The following PUDP variants were observed in gnomAD, a reference collection of about 807,000 sequenced individuals.
PUDP encodes the protein pseudouridine-5'-phosphatase.
In PUDP, 8 loss-of-function variants were observed where a neutral mutation model predicts 9.4. That is an observed-to-expected ratio of 0.85 (90% confidence interval 0.50 to 1.53). The LOEUF (loss-of-function observed/expected upper bound fraction) is 1.53. Among genes scored for constraint, PUDP ranks in the 40% most tolerant of loss-of-function variants. PUDP has a pLI of 0.00. For missense variants in PUDP, 188 were observed against 189.7 expected (o/e 0.99, Z 0.05); for synonymous variants, 99 against 80.7 (o/e 1.23, Z -1.22).
chrX:7,088,312 T>C (rs1230006612), intron 2 of PUDP, among the ~76,000 whole-genome samples: 3 of 111,000 alleles, frequency 2.7e-5, no homozygotes, highest in Non-Finnish European at 5.7e-5. Flanking sequence ...TCAAGCAATC[T>C]GCCTACCTTG....
At chrX:6,905,694 G>A (rs1927756733) in intron 3 of PUDP, among the ~76,000 whole-genome samples, 1 of 111,422 alleles carries the variant, frequency 9.0e-6, no homozygotes, top group Admixed American at 9.5e-5. Flanking sequence ...TGGGGACACA[G>A]CCAAATCATA....
rs189338831 is a variant in PUDP, at chrX:6,850,874, G to A, written c.*247+126259C>T. Among the ~76,000 whole-genome samples, 663 of 111,788 alleles carry A rather than the reference G, an allele frequency of 5.9e-3. 4 individuals are homozygous for A. The highest frequency in any genetic ancestry group is 9.7e-3 in the Non-Finnish European group (515 of 53,096). Reference sequence around the variant, plus strand: ...CCCAACAACCCAATGTAGACATGATGTACTATATAGGAAAATAAAATACAC... The same window carrying A: ...CCCAACAACCCAATGTAGACATGATATACTATATAGGAAAATAAAATACAC... On this transcript the variant is annotated intron_variant and NMD_transcript_variant, in intron 3 of 3. Coordinates refer to the PUDP transcript ENST00000655425.
intron 3 of PUDP, among the ~76,000 whole-genome samples, chrX:6,844,533 A>G (rs1926715724): frequency 1.8e-5 from 2 of 112,768 alleles, no homozygotes; most frequent in Middle Eastern, 4.6e-3. Flanking sequence ...CATCAGCTGG[A>G]TAAGTCTCCT....
chrX:6,747,287 G>T lies in PUDP; in HGVS notation c.*248-40821C>A, dbSNP rs573979492. 2.1e-4 allele frequency among the ~76,000 whole-genome samples: 23 copies of T among 111,775 alleles called. No homozygotes were observed. In the South Asian group the frequency reaches 8.6e-3, roughly 42 times the overall value. Reference sequence around the variant, plus strand: ...AATTTGTCCTGATTTCATGAGCTGGGAAGCACACGAGCCATGGTTTTTCAC... The same window carrying T: ...AATTTGTCCTGATTTCATGAGCTGGTAAGCACACGAGCCATGGTTTTTCAC... On this transcript the variant is annotated intron_variant and NMD_transcript_variant, in intron 3 of 3. Coordinates refer to the PUDP transcript ENST00000655425.
Position 7,105,825 on chromosome X carries a change from C to T in PUDP, c.75G>A (p.Leu25=). 8.4e-7 allele frequency: 1 copy of T among 1,187,149 alleles called. No individual in the cohort carries two copies. The highest frequency in any genetic ancestry group is 1.1e-6 in the Non-Finnish European group (1 of 876,903). The change falls in exon 2 of 4, where the codon CTG becomes CTA. Residue 25 remains leucine (L), a synonymous_variant. Transcript: ENST00000381077. ...ATATTTCTTGAAACACCACTGAATA[C>T]AGCCGTTCAGTATCTGCAGGAAAAA... ...MDGLLLDTER[L]YSVVFQEICN...
intron 1 of PUDP, among the ~76,000 whole-genome samples, chrX:7,009,032 A>G (rs1208268625): frequency 1.8e-5 from 2 of 112,673 alleles, no homozygotes. Context: ...ATTTTTATAA[A>G]GTCATTTCTG....
intron 1 of PUDP, among the ~76,000 whole-genome samples, chrX:7,127,034 T>G (rs767360704): frequency 3.6e-5 from 4 of 111,677 alleles, no homozygotes; most frequent in Admixed American, 2.8e-4. Context: ...CCAAAAAGCA[T>G]AGGGTATGGT....
At position 6,849,025 on chromosome X, in the gene PUDP, AATGGATCAAACCGTGGAAGGCACGTTC is replaced by A. The variant is rs780553214; in HGVS notation, c.*247+128081_*247+128107del. Among the ~76,000 whole-genome samples, 779 of 112,431 alleles carry A rather than the reference AATGGATCAAACCGTGGAAGGCACGTTC, an allele frequency of 6.9e-3. 4 individuals are homozygous for A. Among genetic ancestry groups the A allele is most frequent in the Non-Finnish European group, 0.01 (558 of 53,263 alleles). On this transcript the variant is annotated intron_variant and NMD_transcript_variant, in intron 3 of 3. Transcript: ENST00000655425. ...CCCTTCGCCAGATCAAGGACGTGAA[AATGGATCAAACCGTGGAAGGCACGTTC>A]CTTTGGGGAAGTTACAAAGAGTGTG...
chrX:6,984,793 C>T (rs138972064), intron 1 of PUDP, among the ~76,000 whole-genome samples: 4 of 111,505 alleles, frequency 3.6e-5, no homozygotes, highest in African/African-American at 1.3e-4. Context: ...TAAGGATTCA[C>T]GCAATTTGGG....
rs140175285 is a variant in PUDP at position 6,789,953 on chromosome X, T to C, written c.*248-83487A>G. On this transcript the variant is annotated intron_variant and NMD_transcript_variant, in intron 3 of 3. Transcript: ENST00000655425. Reference sequence around the variant, plus strand: ...ATAGATAGAGAAGATAGAACATAGATAGAAAGAGATAGATAAATAGATCAT... The same window carrying C: ...ATAGATAGAGAAGATAGAACATAGACAGAAAGAGATAGATAAATAGATCAT... Among the ~76,000 whole-genome samples, 558 of 86,767 alleles carry C rather than the reference T, an allele frequency of 6.4e-3. 3 individuals carry two copies. The highest frequency in any genetic ancestry group is 0.022 in the African/African-American group (524 of 23,409). 75.3% of individuals were successfully genotyped at this position (86,767 alleles called of 115,157 possible).
chrX:7,048,586 G>A (rs1450224947), downstream of PUDP, among the ~76,000 whole-genome samples: 1 of 112,332 alleles, frequency 8.9e-6, no homozygotes, highest in Non-Finnish European at 1.9e-5. Context: ...AATTTACCCT[G>A]TAGGAAATTC....
rs189329012 is a variant in PUDP, at chrX:6,818,233, G to A, written c.*248-111767C>T. On this transcript the variant is annotated intron_variant and NMD_transcript_variant, in intron 3 of 3. Coordinates refer to the PUDP transcript ENST00000655425. Reference sequence around the variant, plus strand: ...AATCCCAGCAGTTTGAAGTGCACATGCTGAGCAACTCTCAGCAGAGCTGAG... The same window carrying A: ...AATCCCAGCAGTTTGAAGTGCACATACTGAGCAACTCTCAGCAGAGCTGAG... Among the ~76,000 whole-genome samples the A allele has an allele frequency of 3.9e-3, 439 of 112,055 alleles. 2 individuals carry two copies. The highest frequency in any genetic ancestry group is 0.013 in the African/African-American group (411 of 30,862).
chrX:6,752,129 T>C (rs751331841), intron 3 of PUDP, among the ~76,000 whole-genome samples: 68 of 111,823 alleles, frequency 6.1e-4, no homozygotes, highest in African/African-American at 2.1e-3. Flanking sequence ...CATTCTGACC[T>C]CCTTCGGAAG....
At chrX:6,884,759 A>G (rs1398199352) in intron 3 of PUDP, among the ~76,000 whole-genome samples, 1 of 112,604 alleles carries the variant, frequency 8.9e-6, no homozygotes, top group Non-Finnish European at 1.9e-5. Context: ...CAAGGAAGTC[A>G]CATGCAACTT....
At chrX:7,130,406 G>C (rs1296918246) in intron 1 of PUDP, among the ~76,000 whole-genome samples, 1 of 110,311 alleles carries the variant, frequency 9.1e-6, no homozygotes, top group East Asian at 2.9e-4. Context: ...AGGAGGAGGA[G>C]GACAAAACAT....
At chrX:7,136,416 C>T (rs1169292238) in intron 1 of PUDP, among the ~76,000 whole-genome samples, 1 of 111,937 alleles carries the variant, frequency 8.9e-6, no homozygotes, top group African/African-American at 3.2e-5. Flanking sequence ...ACTGCGGGCA[C>T]CTTCGTCTCC....
At chrX:6,727,667 C>T (rs750356657) in intron 3 of PUDP, among the ~76,000 whole-genome samples, 1 of 111,691 alleles carries the variant, frequency 9.0e-6, no homozygotes, top group Admixed American at 9.5e-5. Context: ...GTCAGATGGC[C>T]AACCTATTTT....
chrX:6,908,094 C>T (rs1055942111), intron 3 of PUDP, among the ~76,000 whole-genome samples: 3 of 112,238 alleles, frequency 2.7e-5, no homozygotes, highest in South Asian at 3.7e-4. Context: ...TCAGGGCCAC[C>T]CAGTACAATA....
At chrX:7,146,030 A>T (rs1403581252) in intron 1 of PUDP, among the ~76,000 whole-genome samples, 1 of 112,057 alleles carries the variant, frequency 8.9e-6, no homozygotes, top group Non-Finnish European at 1.9e-5. Flanking sequence ...ACATTTGGTG[A>T]AAGAATGGGA....
Sources: allele counts gnomAD v4.1 joint callset (sites outside exome capture counted in the v4.1 genomes callset), GRCh38; gene constraint gnomAD v4.1.1; transcripts MANE v1.5; gene names NCBI Gene and HGNC (gene_info 2026-07-23, HGNC 2026-07-21).